The following PRKN variants were observed in gnomAD, a reference collection of about 807,000 sequenced individuals.
PRKN encodes the protein E3 ubiquitin-protein ligase parkin.
In PRKN, 56 loss-of-function variants were observed where a neutral mutation model predicts 59.5. The ratio of observed to expected loss-of-function variants is 0.94; its 90% confidence interval spans 0.76 to 1.18. The LOEUF (loss-of-function observed/expected upper bound fraction) is 1.18, where lower values mean the gene tolerates loss of function less well. Ranked by LOEUF, PRKN falls within the 50% of genes most tolerant of loss-of-function variation. The probability of loss-of-function intolerance (pLI) is 0.00; values close to 1 mark genes in which losing one functional copy is unlikely to be tolerated. For missense variants in PRKN, 657 were observed against 596.4 expected (o/e 1.10, Z -1.06); for synonymous variants, 250 against 222.1 (o/e 1.13, Z -1.12).
At chr6:162,615,545 T>C (rs1310338159) in intron 1 of PRKN, among the ~76,000 whole-genome samples, 1 of 152,148 alleles carries the variant, frequency 6.6e-6, no homozygotes, top group Non-Finnish European at 1.5e-5. Flanking sequence ...TCTGATGCAA[T>C]GCACATGCCA....
chr6:162,014,848 C>T (rs1782874478), intron 5 of PRKN, among the ~76,000 whole-genome samples: 1 of 152,022 alleles, frequency 6.6e-6, no homozygotes, highest in Non-Finnish European at 1.5e-5. Context: ...TAAATTACTC[C>T]ACCTCAGTGT....
chr6:162,007,585 C>A (rs889281735), intron 5 of PRKN, among the ~76,000 whole-genome samples: 2 of 152,070 alleles, frequency 1.3e-5, no homozygotes, highest in African/African-American at 4.8e-5. Context: ...ATGGCAGAAT[C>A]ATCAATTAAG....
chr6:162,399,960 C>T (rs1364434800), intron 2 of PRKN, among the ~76,000 whole-genome samples: 1 of 152,178 alleles, frequency 6.6e-6, no homozygotes, highest in African/African-American at 2.4e-5. Flanking sequence ...AATTGCGGCA[C>T]TTTGGGAGGC....
chr6:162,050,704 T>C (rs1175575514), intron 5 of PRKN, among the ~76,000 whole-genome samples: 2 of 152,064 alleles, frequency 1.3e-5, no homozygotes, highest in African/African-American at 4.8e-5. Flanking sequence ...TTTGAGGACA[T>C]GACTGGCTGT....
At chr6:162,630,614 G>T (rs1658841049) in intron 1 of PRKN, among the ~76,000 whole-genome samples, 1 of 152,042 alleles carries the variant, frequency 6.6e-6, no homozygotes, top group South Asian at 2.1e-4. Context: ...CATGAATCTT[G>T]TATACAGCAT....
chr6:162,061,289 C>T (rs1046994150), intron 4 of PRKN, among the ~76,000 whole-genome samples: 3 of 152,154 alleles, frequency 2.0e-5, no homozygotes, highest in Admixed American at 6.5e-5. Context: ...ACACAACAAA[C>T]GCCTTTACAC....
At chr6:161,520,469 C>T (rs984887500) in intron 9 of PRKN, among the ~76,000 whole-genome samples, 2 of 151,978 alleles carry the variant, frequency 1.3e-5, no homozygotes, top group African/African-American at 4.8e-5. Context: ...CTCAGGTGAT[C>T]CACCCACCTC....
chr6:162,333,456 T>C (rs1783682987), intron 2 of PRKN, among the ~76,000 whole-genome samples: 1 of 152,180 alleles, frequency 6.6e-6, no homozygotes, highest in Admixed American at 6.5e-5. Context: ...GTAATTCATA[T>C]AATATTTCAA....
chr6:162,482,219 G>T (rs534152576), intron 1 of PRKN, among the ~76,000 whole-genome samples: 1 of 152,212 alleles, frequency 6.6e-6, no homozygotes, highest in Non-Finnish European at 1.5e-5. Flanking sequence ...TTGATACAGG[G>T]CACTGACTTT....
chr6:162,597,220 A>C (rs1446295950), intron 1 of PRKN, among the ~76,000 whole-genome samples: 2 of 152,144 alleles, frequency 1.3e-5, no homozygotes, highest in African/African-American at 4.8e-5. Flanking sequence ...AAGTTAGGCA[A>C]TGCTTCCTTA....
chr6:162,146,725 G>A (rs181735201), intron 4 of PRKN, among the ~76,000 whole-genome samples: 70 of 151,894 alleles, frequency 4.6e-4, no homozygotes, highest in Non-Finnish European at 5.2e-4. Flanking sequence ...GGTTGGTCTC[G>A]AACTCCTGAC....
rs1318375893 is a variant in PRKN at position 161,533,983 on chromosome 6, C to G, written c.1083+14871G>C. ...TGGTCTCTGTGACTTCAGTGAACCC[C>G]CTTTCCACCTGTCCTCCTCGCCCTC... On this transcript the variant is annotated intron_variant, in intron 9 of 11. Coordinates refer to ENST00000366898, the MANE Select transcript of PRKN (RefSeq NM_004562.3). The surrounding 1 kb of genome is among the most constrained non-coding windows in gnomAD (Gnocchi z 4.1). 6.6e-6 allele frequency among the ~76,000 whole-genome samples: 1 copy of G among 152,096 alleles called. No homozygotes were observed. Among genetic ancestry groups the G allele is most frequent in the African/African-American group, 2.4e-5 (1 of 41,406 alleles).
chr6:162,200,703 G>A (rs1784690398), intron 4 of PRKN, among the ~76,000 whole-genome samples: 1 of 152,064 alleles, frequency 6.6e-6, no homozygotes, highest in Admixed American at 6.5e-5. Flanking sequence ...CGTACATTTG[G>A]TGCACCAATC....
chr6:161,969,368 A>G (rs1780714093), intron 6 of PRKN, among the ~76,000 whole-genome samples: 1 of 151,898 alleles, frequency 6.6e-6, no homozygotes, highest in African/African-American at 2.4e-5. Context: ...TACCCGGAGA[A>G]AGTGACCAGC....
In PRKN at chr6:161,391,432, AGTT is replaced by A. The variant is rs1276372886; in HGVS notation, c.1084-4558_1084-4556del. 6.7e-6 allele frequency among the ~76,000 whole-genome samples: 1 copy of A among 149,720 alleles called. No homozygotes were observed. The highest frequency in any genetic ancestry group is 1.9e-4 in the East Asian group (1 of 5,156). ...TAACAAATGTGATCCATTTCCGTAG[AGTT>A]GTTTTTTTTTTTCGAGAAATTTTAA... On this transcript the variant is annotated intron_variant, in intron 9 of 11. Coordinates refer to ENST00000366898, the MANE Select transcript of PRKN (RefSeq NM_004562.3). The surrounding 1 kb of genome is among the most constrained non-coding windows in gnomAD (Gnocchi z 4.9).
chr6:162,492,771 G>A lies in PRKN; in HGVS notation c.8-49298C>T, dbSNP rs1792876263. Among the ~76,000 whole-genome samples, 3 of 152,096 alleles carry A rather than the reference G, an allele frequency of 2.0e-5. No individual in the cohort carries two copies. The South Asian group carries it at 6.2e-4, about 31-fold the overall frequency. On this transcript the variant is annotated intron_variant, in intron 1 of 11. Coordinates refer to ENST00000366898, the MANE Select transcript of PRKN (RefSeq NM_004562.3). ...TCCAGACCATACTGACTAACACAGT[G>A]AAACTCTGTCTCTACTAAAAAATAC...
intron 4 of PRKN, among the ~76,000 whole-genome samples, chr6:162,169,855 C>A (rs1403632062): frequency 1.3e-5 from 2 of 152,184 alleles, no homozygotes; most frequent in African/African-American, 4.8e-5. Flanking sequence ...ATTGTTACAA[C>A]ATCTCCTTGT....
In PRKN at chr6:162,315,474, A is replaced by G. The variant is rs532146137; in HGVS notation, c.172-52709T>C. 1.7e-3 allele frequency among the ~76,000 whole-genome samples: 266 copies of G among 152,320 alleles called. 1 individual carries two copies. Among genetic ancestry groups the G allele is most frequent in the African/African-American group, 5.6e-3 (234 of 41,578 alleles). On this transcript the variant is annotated intron_variant, in intron 2 of 11. Coordinates refer to ENST00000366898, the MANE Select transcript of PRKN (RefSeq NM_004562.3). ...GGGTTGCCAGGGTAGGCAACTTAGG[A>G]TACAAAGCACTCAGTGAAATTTGCA...
rs1414456080 is a variant in PRKN, at chr6:161,447,446, A to G, written c.1084-60569T>C. On this transcript the variant is annotated intron_variant, in intron 9 of 11. Coordinates refer to ENST00000366898, the MANE Select transcript of PRKN (RefSeq NM_004562.3). The surrounding 1 kb of genome is among the most constrained non-coding windows in gnomAD (Gnocchi z 4.1). ...TTTAAGTTTAGAAAAGGCCCCCTGT[A>G]AAGAAGACAAGTTGGAGAATAATCT... is the stretch of plus-strand genomic sequence containing the variant. Among the ~76,000 whole-genome samples, 1 of 152,204 alleles carries G rather than the reference A, an allele frequency of 6.6e-6. No homozygotes were observed. Among genetic ancestry groups the G allele is most frequent in the Non-Finnish European group, 1.5e-5 (1 of 68,040 alleles).
Sources: gnomAD v4.1 joint callset for allele counts (sites outside exome capture counted in the v4.1 genomes callset) on GRCh38, gnomAD v4.1.1 for gene constraint, Gnocchi (gnomAD v3.1) non-coding constraint, MANE v1.5 for transcripts, NCBI Gene and HGNC (gene_info 2026-07-23, HGNC 2026-07-21) for gene names.